INPP4B: variants seen among roughly 807,000 people sequenced by gnomAD.
The protein encoded by INPP4B is inositol polyphosphate-4-phosphatase type II B.
INPP4B carries 55 observed loss-of-function variants against 122.5 expected under a neutral mutation model. The ratio of observed to expected loss-of-function variants is 0.45; its 90% CI spans 0.36 to 0.56. The LOEUF (loss-of-function observed/expected upper bound fraction) is 0.56. INPP4B is among the 20% of genes least tolerant of loss of function. The probability of loss-of-function intolerance (pLI) is 0.00; values close to 1 mark genes in which losing one functional copy is unlikely to be tolerated. For synonymous variants in INPP4B, 403 were observed against 388.7 expected (o/e 1.04, Z -0.43); for missense variants, 1,000 against 1,097.7 (o/e 0.91, Z 1.26).
chr4:142,395,245 A>T (rs1379885404), intron 7 of INPP4B, among the ~76,000 whole-genome samples: 1 of 152,202 alleles, frequency 6.6e-6, no homozygotes, highest in Non-Finnish European at 1.5e-5. Flanking sequence ...ATTCCAGAGA[A>T]AAGGAAATGA....
chr4:142,431,254 T>A lies in INPP4B; in HGVS notation c.6A>T (p.Glu2Asp), dbSNP rs185421248. M[E>D]IKEEGASEEG... ...CTTCTGATGCCCCTTCCTCTTTAAT[T>A]TCCATGATCAACCTTCACAGTTTTA... is the stretch of plus-strand genomic sequence containing the variant. Residue 2 changes from glutamate to aspartate, a missense_variant, in exon 4 of 26, where the codon GAA (glutamate) becomes GAT (aspartate). Coordinates refer to ENST00000262992, the MANE Select transcript of INPP4B (RefSeq NM_001101669.3). The A allele has an allele frequency of 1.5e-5, 24 of 1,612,692 alleles. No individual in the cohort carries two copies. The Admixed American group carries it at 2.0e-4, about 13-fold the overall frequency.
At chr4:142,788,262 T>G (rs1451537986) in intron 1 of INPP4B, among the ~76,000 whole-genome samples, 1 of 152,086 alleles carries the variant, frequency 6.6e-6, no homozygotes, top group Non-Finnish European at 1.5e-5. Context: ...AAAATTTTAG[T>G]TAACTTTTTA....
At chr4:142,712,562 G>A (rs1357816735) in intron 2 of INPP4B, among the ~76,000 whole-genome samples, 1 of 151,978 alleles carries the variant, frequency 6.6e-6, no homozygotes, top group Non-Finnish European at 1.5e-5. Flanking sequence ...TTATTTTCCT[G>A]GCAATAGCCC....
At chr4:142,832,977 C>T (rs1782345555) in intron 1 of INPP4B, among the ~76,000 whole-genome samples, 3 of 152,144 alleles carry the variant, frequency 2.0e-5, no homozygotes, top group South Asian at 4.2e-4. Context: ...CCTTGTTTTA[C>T]ATGATAATAC....
chr4:142,620,760 A>G (rs1744738209), intron 2 of INPP4B, among the ~76,000 whole-genome samples: 1 of 152,164 alleles, frequency 6.6e-6, no homozygotes, highest in South Asian at 2.1e-4. Flanking sequence ...GAAAAATTCA[A>G]GTTTTCAGAT....
At position 142,651,858 on chromosome 4, in the gene INPP4B, T is replaced by A. The variant is rs115065616; in HGVS notation, c.-191+73981A>T. Among the ~76,000 whole-genome samples, 1,014 of 152,216 alleles carry A rather than the reference T, an allele frequency of 6.7e-3. 14 individuals carry two copies. Among genetic ancestry groups the A allele is most frequent in the African/African-American group, 0.023 (955 of 41,540 alleles). ...ATCAACAGAAAAAGAAGGAATCCTC[T>A]CTAACTCATTTTATGCAGCCAGCAT... On this transcript the variant is annotated intron_variant, in intron 2 of 25. Coordinates refer to ENST00000262992, the MANE Select transcript of INPP4B (RefSeq NM_001101669.3).
At position 142,806,786 on chromosome 4, in the gene INPP4B, GGAAAGAAAGAAA is replaced by G. The variant is rs60845921; in HGVS notation, c.-254+39411_-254+39422del. Among the ~76,000 whole-genome samples, 613 of 75,956 alleles carry G rather than the reference GGAAAGAAAGAAA, an allele frequency of 8.1e-3. 3 individuals are homozygous for G. The highest frequency in any genetic ancestry group is 0.014 in the South Asian group (26 of 1,802). 49.8% of individuals were successfully genotyped at this position (75,956 alleles called of 152,430 possible). A position where few individuals can be genotyped will look rare whatever the true frequency, so the allele number is the denominator to read the frequency against. On this transcript the variant is annotated intron_variant, in intron 1 of 25. Coordinates refer to ENST00000262992, the MANE Select transcript of INPP4B (RefSeq NM_001101669.3). Reference sequence around the variant, plus strand: ...AAAGAAGAAAGAAAGAAAGAAAGAAGGAAAGAAAGAAAGAAAGAAAGAAAGAAAGAAAGAAAG... The same window carrying G: ...AAAGAAGAAAGAAAGAAAGAAAGAAGGAAAGAAAGAAAGAAAGAAAGAAAG...
intron 1 of INPP4B, among the ~76,000 whole-genome samples, chr4:142,768,237 C>G (rs1772453684): frequency 6.6e-6 from 1 of 152,084 alleles, no homozygotes; most frequent in Non-Finnish European, 1.5e-5. Flanking sequence ...GTGCTTTATA[C>G]CATGTGATAC....
intron 18 of INPP4B, among the ~76,000 whole-genome samples, chr4:142,140,279 G>A (rs1489854357): frequency 6.6e-6 from 1 of 152,202 alleles, no homozygotes; most frequent in Non-Finnish European, 1.5e-5. Context: ...AGGATTTACA[G>A]CTGGATAGAT....
intron 2 of INPP4B, among the ~76,000 whole-genome samples, chr4:142,625,557 C>T (rs1187708514): frequency 2.2e-4 from 34 of 151,944 alleles, no homozygotes; most frequent in Non-Finnish European, 1.5e-4. Context: ...GCCATACTGC[C>T]CAAGGTAATT....
chr4:142,435,899 G>A lies in INPP4B; in HGVS notation c.-126-4514C>T, dbSNP rs542729592. 4.6e-5 allele frequency among the ~76,000 whole-genome samples: 7 copies of A among 152,258 alleles called. No homozygotes were observed. The East Asian group carries it at 1.4e-3, about 30-fold the overall frequency. ...CCTAAGTCAGCCAGGTTTCTGGGGG[G>A]AGGGGCGGCATCACCACTGCTGCTG... On this transcript the variant is annotated intron_variant, in intron 3 of 25. Transcript: ENST00000262992.
At chr4:142,241,824 A>G (rs547827419) in intron 11 of INPP4B, among the ~76,000 whole-genome samples, 1 of 152,268 alleles carries the variant, frequency 6.6e-6, no homozygotes, top group African/African-American at 2.4e-5. Context: ...GATAATCAAA[A>G]AGCTCAAACA....
chr4:142,379,391 T>G (rs1356580131), intron 7 of INPP4B, among the ~76,000 whole-genome samples: 10 of 152,190 alleles, frequency 6.6e-5, no homozygotes. Context: ...ATCAGGCTCA[T>G]GGCAATATAA....
At chr4:142,764,409 T>C (rs759908454) in intron 1 of INPP4B, among the ~76,000 whole-genome samples, 6 of 152,070 alleles carry the variant, frequency 3.9e-5, no homozygotes, top group Non-Finnish European at 7.4e-5. Flanking sequence ...AAGGCAACTG[T>C]CAGAAAATAG....
rs1580947908 is a variant in INPP4B, at chr4:142,801,183, G to C, written c.-254+45026C>G. Among the ~76,000 whole-genome samples, 8 of 152,310 alleles carry C rather than the reference G, an allele frequency of 5.3e-5. No individual in the cohort carries two copies. The South Asian group carries it at 1.5e-3, about 28-fold the overall frequency. ...GAGGTATGGTCAAAAGCGGAAAACA[G>C]GTGGTTGCAGTAATCTAAGCAGGAG... On this transcript the variant is annotated intron_variant, in intron 1 of 25. Coordinates refer to ENST00000262992, the MANE Select transcript of INPP4B (RefSeq NM_001101669.3).
At chr4:142,496,093 T>A (rs1364926) in intron 2 of INPP4B, among the ~76,000 whole-genome samples, 25,644 of 152,104 alleles carry the variant, frequency 0.17, 2,398 homozygotes, top group East Asian at 0.37. Flanking sequence ...AATCAGCAGT[T>A]TTCTTGGCCT....
At position 142,545,651 on chromosome 4, in the gene INPP4B, C is replaced by T. The variant is rs78905064; in HGVS notation, c.-190-82925G>A. Among the ~76,000 whole-genome samples the T allele has an allele frequency of 4.0e-4, 59 of 145,734 alleles. 1 individual carries two copies. The East Asian group carries it at 9.0e-3, about 22-fold the overall frequency. Reference sequence around the variant, plus strand: ...ATTTTCACATACTATTTTATCTAGCCTGTGCAAAGAACAAGAGATATTAGA... The same window carrying T: ...ATTTTCACATACTATTTTATCTAGCTTGTGCAAAGAACAAGAGATATTAGA... On this transcript the variant is annotated intron_variant, in intron 2 of 25. Coordinates refer to ENST00000262992, the MANE Select transcript of INPP4B (RefSeq NM_001101669.3).
Position 142,384,745 on chromosome 4 carries a change from T to C in INPP4B, c.372+18193A>G, listed in dbSNP as rs79526585. On this transcript the variant is annotated intron_variant, in intron 7 of 25. Coordinates refer to ENST00000262992, the MANE Select transcript of INPP4B (RefSeq NM_001101669.3). ...TGTGCAGGTTTTAGTTAAACTCGTG[T>C]CATGGGGGTTTGTTGTGCAGATTAC... Among the ~76,000 whole-genome samples the C allele has an allele frequency of 3.9e-3, 592 of 152,278 alleles. 3 individuals carry two copies. Among genetic ancestry groups the C allele is most frequent in the African/African-American group, 0.013 (548 of 41,560 alleles).
intron 3 of INPP4B, among the ~76,000 whole-genome samples, chr4:142,437,960 G>A (rs1247653903): frequency 1.3e-5 from 2 of 152,044 alleles, no homozygotes; most frequent in Non-Finnish European, 2.9e-5. Context: ...AAGAGGAGCT[G>A]GTACCATTCC....
Sources: gnomAD v4.1 joint callset for allele counts (sites outside exome capture counted in the v4.1 genomes callset) on GRCh38, gnomAD v4.1.1 for gene constraint, MANE v1.5 for transcripts, NCBI Gene and HGNC (gene_info 2026-07-23, HGNC 2026-07-21) for gene names.